Variants in PKHD1L1 observed in about 807,000 individuals in gnomAD.
PKHD1L1 encodes the protein PKHD1 like 1, also known as fibrocystin-L.
Under a neutral mutation model 462.9 loss-of-function variants are expected in PKHD1L1, and 434 were observed. That is an observed-to-expected ratio of 0.94 (90% CI 0.87 to 1.02). The LOEUF (loss-of-function observed/expected upper bound fraction) is 1.02. Ranked by LOEUF, PKHD1L1 falls within the 50% of genes least tolerant of loss-of-function variation. The pLI is 0.00. For synonymous variants in PKHD1L1, 1,781 were observed against 1,750.0 expected (o/e 1.02, Z -0.44); for missense variants, 5,202 against 5,096.1 (o/e 1.02, Z -0.63).
rs1406951246 is a variant in PKHD1L1, at chr8:109,441,355, A to G, written c.4180A>G (p.Ile1394Val). 2 of 1,569,740 alleles carry G rather than the reference A, an allele frequency of 1.3e-6. No homozygotes were observed. The highest frequency in any genetic ancestry group is 2.7e-5 in the African/African-American group (2 of 73,444). Residue 1394 changes from isoleucine (I) to valine (V), a missense_variant, in exon 34 of 78, where the codon ATT becomes GTT. Ile to Val is a conservative substitution (Grantham distance 29). Transcript: ENST00000378402. ...TCATTCAACTGGGAATATATTCAGG[A>G]TTACCAACAATGGGAAAGATTCAGG... ...ILHSTGNIFR[I>V]TNNGKDSVHG...
At chr8:109,404,459 GCT>G in intron 14 of PKHD1L1, 93 bp from the exon 15 acceptor site, 1 of 700,012 alleles carries the variant, frequency 1.4e-6, no homozygotes, top group Non-Finnish European at 2.1e-6. Context: ...TAACAGGCAG[GCT>G]TTTAAGATAA....
At chr8:109,432,511 A>G (rs959752688) in intron 27 of PKHD1L1, among the ~76,000 whole-genome samples, 8 of 151,934 alleles carry the variant, frequency 5.3e-5, no homozygotes, top group African/African-American at 1.7e-4. Flanking sequence ...TAGATATGTA[A>G]TTATCTATCT....
intron 2 of PKHD1L1, among the ~76,000 whole-genome samples, chr8:109,372,716 G>C (rs986396578): frequency 7.9e-5 from 12 of 152,192 alleles, no homozygotes; most frequent in South Asian, 4.1e-4. Flanking sequence ...TAACATGAAG[G>C]GTTGTTGAAT....
rs139793399 is a variant in PKHD1L1, at chr8:109,389,452, T to G, written c.697+300T>G. Among the ~76,000 whole-genome samples, 289 of 152,204 alleles carry G rather than the reference T, an allele frequency of 1.9e-3. 1 individual carries two copies. Among genetic ancestry groups the G allele is most frequent in the African/African-American group, 6.7e-3 (279 of 41,540 alleles). On this transcript the variant is annotated intron_variant, in intron 8 of 77. Transcript: ENST00000378402. ...TGCCTGTTGCCTTAATTTTGCTCTG[T>G]TCTTTTCTTCTTGATCTATGTCCTC... is the stretch of plus-strand genomic sequence containing the variant.
At chr8:109,455,109 G>A (rs946882865) in intron 45 of PKHD1L1, among the ~76,000 whole-genome samples, 6 of 152,256 alleles carry the variant, frequency 3.9e-5, no homozygotes, top group African/African-American at 1.2e-4. Flanking sequence ...AAGCCAAAGC[G>A]GGTGAATCAC....
At chr8:109,448,476 C>T in intron 39 of PKHD1L1, 85 bp downstream of exon 39, 4 of 1,290,618 alleles carry the variant, frequency 3.1e-6, no homozygotes, top group Non-Finnish European at 4.1e-6. Context: ...TAATATGTTA[C>T]TCAAACACAT....
chr8:109,400,344 G>A lies in PKHD1L1; in HGVS notation c.1281G>A (p.Lys427=). 6.2e-7 allele frequency: 1 copy of A among 1,611,890 alleles called. No homozygotes were observed. Among genetic ancestry groups the A allele is most frequent in the South Asian group, 1.1e-5 (1 of 90,990 alleles). The part of the protein sequence containing the change: ...YFSQTGLPED[K]VRIAYHSANA... Reference sequence around the variant, plus strand: ...GCCAGACTGGACTTCCAGAAGATAAGGTAGGGAAGCCTCAGAATACTATTT... The same window carrying A: ...GCCAGACTGGACTTCCAGAAGATAAAGTAGGGAAGCCTCAGAATACTATTT... Residue 427 remains lysine, a splice_region_variant and synonymous_variant, in exon 13 of 78, where the codon AAG becomes AAA. Transcript: ENST00000378402.
intron 2 of PKHD1L1, among the ~76,000 whole-genome samples, chr8:109,376,215 C>T (rs1410527880): frequency 1.3e-5 from 2 of 152,242 alleles, no homozygotes; most frequent in East Asian, 1.9e-4. Context: ...TGCCCCTCCC[C>T]CAGCCTCGCT....
At chr8:109,412,177 T>G in intron 19 of PKHD1L1, 88 bp from the exon 20 acceptor site, 1 of 1,362,950 alleles carries the variant, frequency 7.3e-7, no homozygotes, top group South Asian at 1.4e-5. Context: ...GGGATCTGGG[T>G]TGAACCTTGA....
At position 109,401,534 on chromosome 8, in the gene PKHD1L1, AT is replaced by A; in HGVS notation, c.1324del (p.Ser442ProfsTer29). 4 of 1,594,610 alleles carry A rather than the reference AT, an allele frequency of 2.5e-6. No homozygotes were observed. Among genetic ancestry groups the A allele is most frequent in the Non-Finnish European group, 3.4e-6 (4 of 1,164,006 alleles). ...TATCATTCTGCTAATGCCAACAGTT[AT>A]TTTTCCAGTCCAACACAAAGATCAG... ...IAYHSANANS[Y>X]FSSPTQRSDD... On this transcript the variant is annotated frameshift_variant, in exon 14 of 78. Transcript: ENST00000378402. LOFTEE classifies it high-confidence loss of function.
chr8:109,463,387 C>G (rs1302284030), intron 48 of PKHD1L1, among the ~76,000 whole-genome samples: 1 of 151,952 alleles, frequency 6.6e-6, no homozygotes, highest in African/African-American at 2.4e-5. Flanking sequence ...TGTAAACTTC[C>G]CTCCTCCTGA....
chr8:109,479,109 A>G (rs867274365), intron 53 of PKHD1L1, among the ~76,000 whole-genome samples: 5 of 152,308 alleles, frequency 3.3e-5, no homozygotes, highest in African/African-American at 7.2e-5. Flanking sequence ...CAGTGGGAAA[A>G]TATCACCAAT....
chr8:109,425,037 G>A (rs1245621260), intron 23 of PKHD1L1, 48 bp from the exon 24 acceptor site: 1 of 1,390,582 alleles, frequency 7.2e-7, no homozygotes, highest in Admixed American at 2.5e-5. Flanking sequence ...AATCATGTAA[G>A]CCATTGTTAA....
chr8:109,493,177 A>G (rs1456302065), intron 62 of PKHD1L1, among the ~76,000 whole-genome samples: 2 of 148,490 alleles, frequency 1.3e-5, no homozygotes, highest in African/African-American at 4.9e-5. Context: ...CTCTCTCCAT[A>G]TATATATATA....
chr8:109,449,819 A>G (rs892366794), intron 40 of PKHD1L1, among the ~76,000 whole-genome samples: 2 of 152,216 alleles, frequency 1.3e-5, no homozygotes, highest in Non-Finnish European at 2.9e-5. Context: ...AGTTTCATTA[A>G]TGGCTATGAG....
At position 109,533,020 on chromosome 8, in the gene PKHD1L1, AG is replaced by A. The variant is rs1360842410; in HGVS notation, c.*2932del. ...AGGAAACTTGAAATGTTGAAGGGTT[AG>A]GTTAAATTCCCAAGTTCACAGAGCT... On this transcript the variant is annotated 3_prime_UTR_variant, in exon 78 of 78. Transcript: ENST00000378402. 2.0e-5 allele frequency among the ~76,000 whole-genome samples: 3 copies of A among 152,256 alleles called. No individual in the cohort carries two copies. The highest frequency in any genetic ancestry group is 7.2e-5 in the African/African-American group (3 of 41,468).
chr8:109,382,589 C>T lies in PKHD1L1; in HGVS notation c.417+18C>T. The T allele has an allele frequency of 6.3e-7, 1 of 1,589,110 alleles. No homozygotes were observed. Among genetic ancestry groups the T allele is most frequent in the Non-Finnish European group, 8.6e-7 (1 of 1,163,652 alleles). On this transcript the variant is annotated intron_variant, in intron 4 of 77. Coordinates refer to ENST00000378402, the MANE Select transcript of PKHD1L1 (RefSeq NM_177531.6). ...CCTTCAACGTATGTAGGAATCTTCTCTTCAGTTTATGTATAGTTGATCTTG... is the reference window on the plus strand; with the variant it reads ...CCTTCAACGTATGTAGGAATCTTCTTTTCAGTTTATGTATAGTTGATCTTG...
intron 75 of PKHD1L1, 38 bp from the exon 76 acceptor site, chr8:109,523,195 A>G (rs1166621246): frequency 2.0e-6 from 3 of 1,518,894 alleles, no homozygotes; most frequent in Non-Finnish European, 2.7e-6. Context: ...TGGAAACAGG[A>G]CAATTGTTAT....
At chr8:109,443,321 CA>C (rs770468082) in intron 36 of PKHD1L1, among the ~76,000 whole-genome samples, 9 of 152,170 alleles carry the variant, frequency 5.9e-5, no homozygotes, top group Non-Finnish European at 7.3e-5. Flanking sequence ...GTCTTTCCCC[CA>C]GAATCCTTGT....
Sources: gnomAD v4.1 joint callset for allele counts (sites outside exome capture counted in the v4.1 genomes callset) on GRCh38, gnomAD v4.1.1 for gene constraint, MANE v1.5 for transcripts, NCBI Gene and HGNC (gene_info 2026-07-23, HGNC 2026-07-21) for gene names.